The following RELN variants were observed in gnomAD, a reference collection of about 807,000 sequenced individuals.
The protein encoded by RELN is reelin.
Under a neutral mutation model 427.6 loss-of-function variants are expected in RELN, and 108 were observed. That is an observed-to-expected ratio of 0.25 (90% confidence interval 0.22 to 0.30). The LOEUF is 0.30. RELN is among the 10% of genes least tolerant of loss of function. The pLI is 1.00. For missense variants in RELN, 3,715 were observed against 4,302.8 expected (o/e 0.86, Z 3.82); for synonymous variants, 1,524 against 1,513.4 (o/e 1.01, Z -0.16).
At chr7:103,704,877 T>C (rs1437432865) in intron 8 of RELN, among the ~76,000 whole-genome samples, 1 of 152,186 alleles carries the variant, frequency 6.6e-6, no homozygotes, top group Non-Finnish European at 1.5e-5. Flanking sequence ...CACTCTTGGC[T>C]AGTTCCCAGG....
chr7:103,500,627 A>G (rs971744515), intron 53 of RELN, 118 bp downstream of exon 53: 3 of 970,344 alleles, frequency 3.1e-6, no homozygotes, highest in Middle Eastern at 3.3e-4. Flanking sequence ...TATTCAAAGG[A>G]TTTTCTTTCC....
intron 8 of RELN, among the ~76,000 whole-genome samples, chr7:103,707,407 T>A (rs1481055028): frequency 2.0e-5 from 3 of 152,180 alleles, no homozygotes; most frequent in Non-Finnish European, 4.4e-5. Flanking sequence ...TAACCTGATA[T>A]AATACTGCAA....
chr7:103,796,340 C>T (rs1792296738), intron 3 of RELN, among the ~76,000 whole-genome samples: 1 of 152,186 alleles, frequency 6.6e-6, no homozygotes, highest in African/African-American at 2.4e-5. Flanking sequence ...CATCTCCCAG[C>T]ACATCAATTA....
intron 2 of RELN, among the ~76,000 whole-genome samples, chr7:103,868,098 C>T (rs1794243287): frequency 6.6e-6 from 1 of 152,062 alleles, no homozygotes; most frequent in South Asian, 2.1e-4. Flanking sequence ...TTGGATGGCA[C>T]TCCATATGGA....
At position 103,551,115 on chromosome 7, in the gene RELN, T is replaced by G. The variant is rs756349597; in HGVS notation, c.6254A>C (p.Gln2085Pro). The change falls in exon 41 of 65, where the codon CAG becomes CCG. Residue 2085 changes from glutamine to proline, a missense_variant. Physicochemically the swap from Gln to Pro is moderately conservative, Grantham distance 76. Coordinates refer to ENST00000428762, the MANE Select transcript of RELN (RefSeq NM_005045.4). ...PSSTYYAGTM[Q>P]GWRREVVHFG... ...GTGCACGACCTCCCTCCTCCAGCCCTGCATGGTTCCTGCGTAGTAGGTGCT... is the reference window on the plus strand; with the variant it reads ...GTGCACGACCTCCCTCCTCCAGCCCGGCATGGTTCCTGCGTAGTAGGTGCT... 4 of 1,613,948 alleles carry G rather than the reference T, an allele frequency of 2.5e-6. No individual in the cohort carries two copies. The highest frequency in any genetic ancestry group is 3.4e-6 in the Non-Finnish European group (4 of 1,180,010).
At chr7:103,887,005 T>G (rs1459639093) in intron 2 of RELN, among the ~76,000 whole-genome samples, 1 of 152,246 alleles carries the variant, frequency 6.6e-6, no homozygotes, top group African/African-American at 2.4e-5. Context: ...TTCTGTTTCA[T>G]GCAGATGTAT....
chr7:103,827,028 C>T (rs1793159739), intron 3 of RELN, among the ~76,000 whole-genome samples: 1 of 139,062 alleles, frequency 7.2e-6, no homozygotes, highest in South Asian at 2.3e-4. Flanking sequence ...CTAGACTCAA[C>T]ATCAGGATAA....
In RELN at chr7:103,483,703, G is replaced by C. The variant is rs767876947; in HGVS notation, c.10131C>G (p.His3377Gln). ...GAGCTTGTGTGAAGTCCTTTGGCTG[G>C]TGCTGGGCGATGACATGCCAGGTGA... ...NGITWHVIAQHQPKDFTQAQR... is the reference protein window; with the variant it reads ...NGITWHVIAQQQPKDFTQAQR... Residue 3377 changes from histidine to glutamine, a missense_variant, in exon 62 of 65, where the codon CAC becomes CAG. Physicochemically the swap from His to Gln is conservative, Grantham distance 24. Transcript: ENST00000428762. 5.5e-5 allele frequency: 89 copies of C among 1,614,074 alleles called. No homozygotes were observed. The highest frequency in any genetic ancestry group is 7.5e-5 in the Non-Finnish European group (88 of 1,180,048).
At chr7:103,500,309 A>C (rs904567429) in intron 53 of RELN, among the ~76,000 whole-genome samples, 1 of 152,210 alleles carries the variant, frequency 6.6e-6, no homozygotes, top group Non-Finnish European at 1.5e-5. Context: ...TTCTAAACAA[A>C]AATTCAGGTA....
At chr7:103,572,817 T>C (rs767603177) in intron 30 of RELN, among the ~76,000 whole-genome samples, 1 of 152,220 alleles carries the variant, frequency 6.6e-6, no homozygotes, top group Non-Finnish European at 1.5e-5. Flanking sequence ...TCCTTAAATC[T>C]AGTTAACACT....
At chr7:103,591,803 C>G (rs1475201521) in intron 27 of RELN, among the ~76,000 whole-genome samples, 2 of 152,158 alleles carry the variant, frequency 1.3e-5, no homozygotes, top group East Asian at 1.9e-4. Context: ...TGTAGACATA[C>G]TCTCAGCTGT....
intron 2 of RELN, among the ~76,000 whole-genome samples, chr7:103,916,731 G>C (rs112575946): frequency 2.6e-5 from 4 of 152,242 alleles, no homozygotes; most frequent in Admixed American, 2.6e-4. Flanking sequence ...AACTGTTTAT[G>C]AGAACAGATT....
chr7:103,681,902 G>C (rs932446267), intron 11 of RELN, among the ~76,000 whole-genome samples: 8 of 152,096 alleles, frequency 5.3e-5, no homozygotes, highest in Non-Finnish European at 2.9e-5. Flanking sequence ...GAACTTAAAA[G>C]CATTTGCAAT....
chr7:103,954,460 A>ATGTG (rs1796395259), intron 1 of RELN, among the ~76,000 whole-genome samples: 2 of 140,436 alleles, frequency 1.4e-5, no homozygotes, highest in African/African-American at 2.6e-5. Context: ...GTGTGTGTGC[A>ATGTG]CACACATGCA....
intron 1 of RELN, among the ~76,000 whole-genome samples, chr7:103,947,860 G>T (rs895592975): frequency 1.3e-5 from 2 of 152,158 alleles, no homozygotes; most frequent in African/African-American, 4.8e-5. Context: ...GAGAATTATA[G>T]TTGCAATGGC....
intron 1 of RELN, among the ~76,000 whole-genome samples, chr7:103,937,310 C>T (rs1225939098): frequency 6.6e-6 from 1 of 152,226 alleles, no homozygotes; most frequent in East Asian, 1.9e-4. Flanking sequence ...AATTTGGAGG[C>T]CTACAGGCCA....
At chr7:103,670,914 A>G (rs907668596) in intron 11 of RELN, among the ~76,000 whole-genome samples, 9 of 152,102 alleles carry the variant, frequency 5.9e-5, no homozygotes, top group Non-Finnish European at 1.3e-4. Flanking sequence ...TAAAACACCT[A>G]AAGTTGGCAA....
chr7:103,475,958 G>T (rs1165883340), intron 64 of RELN, among the ~76,000 whole-genome samples: 1 of 151,914 alleles, frequency 6.6e-6, no homozygotes, highest in Non-Finnish European at 1.5e-5. Context: ...TTGCTATGTT[G>T]GCCAGGCTGG....
intron 22 of RELN, among the ~76,000 whole-genome samples, chr7:103,610,234 G>A (rs890013001): frequency 2.0e-5 from 3 of 152,050 alleles, no homozygotes; most frequent in African/African-American, 7.2e-5. Flanking sequence ...TTTCCTGGGG[G>A]ATAATTTTTA....
Sources: allele counts gnomAD v4.1 joint callset (sites outside exome capture counted in the v4.1 genomes callset), GRCh38; gene constraint gnomAD v4.1.1; transcripts MANE v1.5; gene names NCBI Gene and HGNC (gene_info 2026-07-23, HGNC 2026-07-21).